The following CFAP119 variants were observed in gnomAD, a reference collection of about 807,000 sequenced individuals.
The protein encoded by CFAP119 is cilia and flagella associated protein 119.
At chr16:30,761,371 G>C in the CFAP119 span, 1 of 1,381,770 alleles carries the variant, frequency 7.2e-7, no homozygotes, top group Non-Finnish European at 1.0e-6. Context: ...GGCTTCAGCA[G>C]GCCCTAGGTG....
the CFAP119 span, chr16:30,761,712 T>G: frequency 6.5e-7 from 1 of 1,531,634 alleles, no homozygotes; most frequent in Non-Finnish European, 8.7e-7. Context: ...GACTGCACCC[T>G]CATTCCCAAA....
At chr16:30,758,462 C>CA in the CFAP119 span, 1 of 166,942 alleles carries the variant, frequency 6.0e-6, no homozygotes, top group Non-Finnish European at 1.3e-5. Context: ...TGGTGGTTTG[C>CA]TTTACCCATC....
At chr16:30,760,272 GC>G in the CFAP119 span, 1 of 1,614,120 alleles carries the variant, frequency 6.2e-7, no homozygotes, top group Non-Finnish European at 8.5e-7. Flanking sequence ...CCTGGTAGCT[GC>G]CCCCTCTCAC....
At chr16:30,761,193 C>T in the CFAP119 span, 4 of 1,613,746 alleles carry the variant, frequency 2.5e-6, no homozygotes, top group Non-Finnish European at 3.4e-6. Flanking sequence ...TCTCTTCACA[C>T]TCACCACATG....
chr16:30,761,514 T>C, the CFAP119 span: 15 of 1,535,350 alleles, frequency 9.8e-6, no homozygotes, highest in Non-Finnish European at 1.2e-5. Flanking sequence ...TTATAAATAT[T>C]CACGAGCAGA....
At chr16:30,761,619 C>T in the CFAP119 span, 2 of 1,536,140 alleles carry the variant, frequency 1.3e-6, no homozygotes, top group Non-Finnish European at 1.7e-6. Flanking sequence ...CGCACACTCG[C>T]ACGCGTCCGC....
the CFAP119 span, chr16:30,759,283 C>A: frequency 1.9e-6 from 3 of 1,613,680 alleles, no homozygotes; most frequent in Non-Finnish European, 8.5e-7. Flanking sequence ...GAAAGGAGTG[C>A]ACCTGTGCTG....
the CFAP119 span, chr16:30,757,637 G>A: frequency 2.8e-5 from 45 of 1,613,136 alleles, no homozygotes; most frequent in Non-Finnish European, 3.8e-5. Flanking sequence ...ATGTAGGCTC[G>A]GAGGACGTGG....
the CFAP119 span, chr16:30,760,016 T>A: frequency 1.3e-6 from 2 of 1,482,310 alleles, no homozygotes; most frequent in Non-Finnish European, 1.8e-6. Context: ...GCAAGAGCTA[T>A]TAAACATTCT....
At chr16:30,759,654 C>G in the CFAP119 span, 23 of 1,613,874 alleles carry the variant, frequency 1.4e-5, no homozygotes, top group Non-Finnish European at 3.4e-6. Context: ...GGGAACTGAC[C>G]CTGACTCCAT....
chr16:30,759,664 TGGCAAAAAAG>T, the CFAP119 span: 1 of 1,612,818 alleles, frequency 6.2e-7, no homozygotes, highest in Non-Finnish European at 8.5e-7. Context: ...CCTGACTCCA[TGGCAAAAAAG>T]GACACTGGTG....
chr16:30,761,160 G>T, the CFAP119 span: 1 of 1,607,498 alleles, frequency 6.2e-7, no homozygotes, highest in Non-Finnish European at 8.5e-7. Flanking sequence ...AATAAAGAAC[G>T]CAAATATTCA....
chr16:30,758,943 T>C, the CFAP119 span: 1 of 1,591,552 alleles, frequency 6.3e-7, no homozygotes, highest in South Asian at 1.1e-5. Context: ...GAAGTCCTGA[T>C]GTCATCCAAA....
the CFAP119 span, chr16:30,761,509 A>G: frequency 1.3e-6 from 2 of 1,535,014 alleles, no homozygotes; most frequent in Non-Finnish European, 1.7e-6. Context: ...CCGGTTTATA[A>G]ATATTCACGA....
chr16:30,758,060 C>A, the CFAP119 span: 2 of 157,926 alleles, frequency 1.3e-5, no homozygotes, highest in Non-Finnish European at 2.8e-5. Flanking sequence ...CTGTTATTGT[C>A]ATTGGCTTTC....
At chr16:30,760,296 T>G in the CFAP119 span, 2 of 1,614,124 alleles carry the variant, frequency 1.2e-6, no homozygotes, top group Non-Finnish European at 8.5e-7. Flanking sequence ...ATACAAGCCT[T>G]GTGAAGATCC....
chr16:30,758,841 G>A, the CFAP119 span: 977 of 1,170,532 alleles, frequency 8.3e-4, 5 homozygotes, highest in Middle Eastern at 3.3e-3. Context: ...GAGCCACCAC[G>A]CCTGGCCTGC....
At chr16:30,759,390 G>A in the CFAP119 span, 1 of 1,614,240 alleles carries the variant, frequency 6.2e-7, no homozygotes, top group Non-Finnish European at 8.5e-7. Context: ...GGAAGTAAGT[G>A]TTGACCACGT....
chr16:30,761,601 ACT>A, the CFAP119 span: 1 of 1,536,152 alleles, frequency 6.5e-7, no homozygotes, highest in East Asian at 2.4e-5. Flanking sequence ...GCCGTCGTCC[ACT>A]GAGTCCGCAC....
Sources: allele counts gnomAD v4.1 joint callset, GRCh38; gene constraint gnomAD v4.1.1; transcripts MANE v1.5; gene names NCBI Gene and HGNC (gene_info 2026-07-23, HGNC 2026-07-21).